The following ALX4 variants were observed in gnomAD, a reference collection of about 807,000 sequenced individuals.
ALX4 encodes the protein ALX homeobox 4.
A neutral mutation model predicts 40.6 loss-of-function variants in ALX4; 22 were observed. The ratio of observed to expected loss-of-function variants is 0.54; its 90% confidence interval spans 0.39 to 0.77. The LOEUF is 0.77. Among genes scored for constraint, ALX4 ranks in the 30% least tolerant of loss-of-function variants. The pLI, the probability that ALX4 is intolerant of heterozygous loss-of-function variation, is 0.00. For synonymous variants in ALX4, 266 were observed against 240.5 expected, an observed-to-expected ratio of 1.11 and a Z score of -0.98; for missense variants, 556 against 564.8, an observed-to-expected ratio of 0.98 and a Z score of 0.16.
At chr11:44,268,020 A>G (rs911843679) in intron 2 of ALX4, among the ~76,000 whole-genome samples, 5 of 152,240 alleles carry the variant, frequency 3.3e-5, no homozygotes, top group Admixed American at 6.5e-5. Context: ...CTAGACAATC[A>G]CACACAGTTT....
At chr11:44,300,397 T>G (rs1376700515) in intron 1 of ALX4, among the ~76,000 whole-genome samples, 1 of 152,054 alleles carries the variant, frequency 6.6e-6, no homozygotes, top group Non-Finnish European at 1.5e-5. Flanking sequence ...GGAGCTGGAG[T>G]TGTCCCATCT....
chr11:44,267,464 T>C (rs770305162), intron 3 of ALX4, 30 bp downstream of exon 3: 1 of 1,611,832 alleles, frequency 6.2e-7, no homozygotes, highest in South Asian at 1.1e-5. Flanking sequence ...GGGCTGGGGA[T>C]CGGTGGCGGC....
intron 1 of ALX4, among the ~76,000 whole-genome samples, chr11:44,289,717 C>T (rs1334419575): frequency 6.6e-6 from 1 of 152,194 alleles, no homozygotes; most frequent in Admixed American, 6.5e-5. Flanking sequence ...TATGATCTAA[C>T]ACTTGGAGAT....
In ALX4 at chr11:44,265,127, G is replaced by A. The variant is rs561018820; in HGVS notation, c.963C>T (p.Cys321=). The part of the protein sequence containing the change: ...NNGAASPVPA[C]VVPCDPVPAC... Reference sequence around the variant, plus strand: ...CAGGCACCGGGTCGCAGGGGACCACGCAGGCTGGCACTGGTGAGGCAGCCC... The same window carrying A: ...CAGGCACCGGGTCGCAGGGGACCACACAGGCTGGCACTGGTGAGGCAGCCC... The change falls in exon 4 of 4, where the codon TGC becomes TGT. Residue 321 remains cysteine, a synonymous_variant. Transcript: ENST00000652299. 9.8e-5 allele frequency: 158 copies of A among 1,610,666 alleles called. No homozygotes were observed. The highest frequency in any genetic ancestry group is 5.0e-4 in the Middle Eastern group (3 of 6,036).
At chr11:44,290,332 G>C (rs1349934185) in intron 1 of ALX4, among the ~76,000 whole-genome samples, 3 of 152,248 alleles carry the variant, frequency 2.0e-5, no homozygotes, top group African/African-American at 7.2e-5. Context: ...GGGTAGGACA[G>C]GCCTGGGCTT....
At chr11:44,308,320 C>G (rs1956481675) in intron 1 of ALX4, among the ~76,000 whole-genome samples, 1 of 152,246 alleles carries the variant, frequency 6.6e-6, no homozygotes, top group African/African-American at 2.4e-5. Flanking sequence ...AAATATCTGC[C>G]ATCGGCTGTT....
At chr11:44,265,916 G>A (rs1422344515) in intron 3 of ALX4, among the ~76,000 whole-genome samples, 1 of 152,158 alleles carries the variant, frequency 6.6e-6, no homozygotes, top group Non-Finnish European at 1.5e-5. Flanking sequence ...ACGTTCACCT[G>A]GGGCTCCCAT....
Position 44,263,672 on chromosome 11 carries a change from T to C in ALX4, c.*1182A>G, listed in dbSNP as rs937416547. The C allele has an allele frequency of 6.6e-6, 1 of 152,320 alleles. No individual in the cohort carries two copies. Among genetic ancestry groups the C allele is most frequent in the Non-Finnish European group, 1.5e-5 (1 of 68,096 alleles). The allele number at this position is 152,320 out of a possible 1,614,324, so 9.4% of individuals were successfully genotyped here. A position where few individuals can be genotyped will look rare whatever the true frequency, so the allele number is the denominator to read the frequency against. On this transcript the variant is annotated 3_prime_UTR_variant, in exon 4 of 4. Transcript: ENST00000652299. ...TGGGCAGCGATGACACTGACAGATA[T>C]GGCAGGGAGGACAGTCAGTTTGAGG...
chr11:44,304,382 C>T (rs916379244), intron 1 of ALX4, among the ~76,000 whole-genome samples: 1 of 152,192 alleles, frequency 6.6e-6, no homozygotes, highest in African/African-American at 2.4e-5. Flanking sequence ...GCTGAGGCTC[C>T]GGGGGCAGGA....
intron 1 of ALX4, among the ~76,000 whole-genome samples, chr11:44,293,012 C>A (rs1956379146): frequency 6.6e-6 from 1 of 151,596 alleles, no homozygotes; most frequent in African/African-American, 2.4e-5. Flanking sequence ...AGCAGGAGAA[C>A]TGCTTGAGCC....
chr11:44,269,681 G>C (rs1280764677), intron 2 of ALX4, among the ~76,000 whole-genome samples: 1 of 152,184 alleles, frequency 6.6e-6, no homozygotes, highest in Non-Finnish European at 1.5e-5. Context: ...GGATTCCTAG[G>C]GTCCAGGCCC....
At chr11:44,296,270 A>T (rs928007075) in intron 1 of ALX4, among the ~76,000 whole-genome samples, 5 of 152,236 alleles carry the variant, frequency 3.3e-5, no homozygotes, top group Non-Finnish European at 5.9e-5. Flanking sequence ...AGGAAGAATG[A>T]AGTTGGAGAG....
At chr11:44,267,164 G>A (rs940168778) in intron 3 of ALX4, among the ~76,000 whole-genome samples, 2 of 152,158 alleles carry the variant, frequency 1.3e-5, no homozygotes, top group African/African-American at 4.8e-5. Context: ...GAGACCCTCC[G>A]AGCGGTATCT....
In ALX4 at chr11:44,265,038, C is replaced by A. The variant is rs750030599; in HGVS notation, c.1052G>T (p.Ser351Ile). The change falls in exon 4 of 4, where the codon AGT (serine) becomes ATT (isoleucine). Residue 351 changes from serine (S) to isoleucine (I), a missense_variant. By Grantham distance (142) the Ser-to-Ile change is moderately radical. Transcript: ENST00000652299. ...SGASSVTDFL[S>I]VSGAGSHVGQ... Reference sequence around the variant, plus strand: ...CACGTGACTGCCAGCCCCAGACACACTCAGGAAGTCGGTGACGCTGCTGGC... The same window carrying A: ...CACGTGACTGCCAGCCCCAGACACAATCAGGAAGTCGGTGACGCTGCTGGC... 4.3e-6 allele frequency: 7 copies of A among 1,613,124 alleles called. No homozygotes were observed. The South Asian group carries it at 7.7e-5, about 18-fold the overall frequency.
chr11:44,286,930 G>A (rs1311135359), intron 1 of ALX4, among the ~76,000 whole-genome samples: 1 of 152,156 alleles, frequency 6.6e-6, no homozygotes, highest in Admixed American at 6.5e-5. Context: ...AGACCCATGG[G>A]GATTCCTTGG....
Position 44,265,055 on chromosome 11 carries a change from G to T in ALX4, c.1035C>A (p.Ser345Arg), listed in dbSNP as rs140652481. 3.7e-6 allele frequency: 6 copies of T among 1,612,938 alleles called. No homozygotes were observed. The highest frequency in any genetic ancestry group is 2.7e-5 in the African/African-American group (2 of 74,940). The change falls in exon 4 of 4, where the codon AGC becomes AGA. Residue 345 changes from serine to arginine, a missense_variant. Physicochemically the swap from Ser to Arg is moderately radical, Grantham distance 110. Transcript: ENST00000652299. Reference protein sequence around the residue: ...HAHPPGSGASSVTDFLSVSGA... With the variant: ...HAHPPGSGASRVTDFLSVSGA... ...CAGACACACTCAGGAAGTCGGTGAC[G>T]CTGCTGGCCCCAGAGCCAGGGGGGT...
At chr11:44,297,348 C>G (rs918929545) in intron 1 of ALX4, among the ~76,000 whole-genome samples, 1 of 152,244 alleles carries the variant, frequency 6.6e-6, no homozygotes, top group Admixed American at 6.5e-5. Flanking sequence ...GCAAAGAACA[C>G]TCAGCCTGGG....
At chr11:44,295,161 C>G (rs1956396011) in intron 1 of ALX4, among the ~76,000 whole-genome samples, 1 of 152,114 alleles carries the variant, frequency 6.6e-6, no homozygotes, top group Admixed American at 6.6e-5. Context: ...TTGTCCTTGC[C>G]TATTTTACCT....
rs757359392 is a variant in ALX4 at position 44,309,748 on chromosome 11, C to T, written c.315G>A (p.Pro105=). 2.2e-5 allele frequency: 33 copies of T among 1,534,874 alleles called. No individual in the cohort carries two copies. The South Asian group carries it at 3.7e-4, about 17-fold the overall frequency. Residue 105 remains proline, a synonymous_variant, in exon 1 of 4, where the codon CCG becomes CCA. Transcript: ENST00000652299. ...GCTGCGGCTGCTGCTGCTGCGGCTG[C>T]GGCTGCGGCGGCGGCTGGGGCTGCG... ...STPQPQPPPQ[P]QPQQQQPQPQ...
Sources: allele counts gnomAD v4.1 joint callset (sites outside exome capture counted in the v4.1 genomes callset), GRCh38; gene constraint gnomAD v4.1.1; transcripts MANE v1.5; gene names NCBI Gene and HGNC (gene_info 2026-07-23, HGNC 2026-07-21).